COL4A5: variants seen among roughly 807,000 people sequenced by gnomAD.
COL4A5 encodes the protein collagen type IV alpha 5 chain, also known as collagen alpha-5(IV) chain.
Under a neutral mutation model 130.2 loss-of-function variants are expected in COL4A5, and 26 were observed. The observed-to-expected ratio is 0.20, with a 90% CI of 0.15 to 0.28. The LOEUF is 0.28. Among genes scored for constraint, COL4A5 ranks in the 10% least tolerant of loss-of-function variants. COL4A5 has a pLI of 1.00. For synonymous variants in COL4A5, 496 were observed against 439.6 expected (o/e 1.13, Z -1.60); for missense variants, 1,131 against 1,344.3 (o/e 0.84, Z 2.48).
At chrX:108,521,174 T>G (rs1954992702) in intron 1 of COL4A5, among the ~76,000 whole-genome samples, 1 of 111,639 alleles carries the variant, frequency 9.0e-6, no homozygotes, top group Non-Finnish European at 1.9e-5. Flanking sequence ...AATATTCAAG[T>G]CATAAACAAA....
intron 36 of COL4A5, among the ~76,000 whole-genome samples, chrX:108,647,443 C>T (rs1331690111): frequency 9.0e-6 from 1 of 111,717 alleles, no homozygotes; most frequent in Non-Finnish European, 1.9e-5. Flanking sequence ...TATCCTGAGA[C>T]TTTGCTGAAG....
intron 50 of COL4A5, 113 bp from the exon 51 acceptor site, chrX:108,694,694 T>C: frequency 1.7e-6 from 1 of 588,175 alleles, no homozygotes; most frequent in Non-Finnish European, 3.0e-6. Context: ...TTTGTGATCA[T>C]TGAAAGAGAC....
Position 108,607,907 on chromosome X carries a change from T to G in COL4A5, c.2395+1015T>G, listed in dbSNP as rs148128049. 4.3e-3 allele frequency among the ~76,000 whole-genome samples: 483 copies of G among 111,698 alleles called. 6 individuals are homozygous for G. Among genetic ancestry groups the G allele is most frequent in the African/African-American group, 0.015 (449 of 30,723 alleles). ...ATCACTCCATATCAGTAGATGGAGA[T>G]CTTAACTTTTTGAAAATAGGTGCCT... On this transcript the variant is annotated intron_variant, in intron 29 of 52. Transcript: ENST00000328300.
At chrX:108,459,661 C>T (rs1356237340) in intron 1 of COL4A5, among the ~76,000 whole-genome samples, 1 of 112,153 alleles carries the variant, frequency 8.9e-6, no homozygotes, top group Non-Finnish European at 1.9e-5. Flanking sequence ...TAAGAGCTAC[C>T]TCAAGAGCAG....
rs1569481183 is a variant in COL4A5 at position 108,526,652 on chromosome X, CTTTCTTTCTTCTTTCTTTCTCTTTCTT to C, written c.82-13092_82-13066del. 1.6e-3 allele frequency among the ~76,000 whole-genome samples: 87 copies of C among 53,504 alleles called. 1 individual carries two copies. Among genetic ancestry groups the C allele is most frequent in the African/African-American group, 7.4e-3 (69 of 9,321 alleles). 46.5% of individuals were successfully genotyped at this position (53,504 alleles called of 115,157 possible). A position where few individuals can be genotyped will look rare whatever the true frequency, so the allele number is the denominator to read the frequency against. ...TCTTTCTTTCTTTCTTTCTTTCTTT[CTTTCTTTCTTCTTTCTTTCTCTTTCTT>C]TCTTTCTTTCTTTCTTTCTTTCTTT... On this transcript the variant is annotated intron_variant, in intron 1 of 52. Transcript: ENST00000328300.
rs58190747 is a variant in COL4A5 at position 108,584,550 on chromosome X, G to C, written c.1032+25G>C. The C allele has an allele frequency of 1.9e-5, 22 of 1,167,853 alleles. No homozygotes were observed. In the African/African-American group the frequency reaches 4.0e-4, roughly 21 times the overall value. ...TGTAAGTTTTTTTTTTTTAGTCTTC[G>C]TTTATCAAATTTATTAATGCATTAT... On this transcript the variant is annotated intron_variant, in intron 18 of 52. Coordinates refer to ENST00000328300, the MANE Select transcript of COL4A5 (RefSeq NM_033380.3).
intron 36 of COL4A5, among the ~76,000 whole-genome samples, chrX:108,643,914 G>T (rs2147910197): frequency 8.9e-6 from 1 of 111,889 alleles, no homozygotes; most frequent in African/African-American, 3.2e-5. Context: ...AGTGTAAATG[G>T]CCTAAATGCT....
At chrX:108,579,088 T>C (rs1226659427) in intron 13 of COL4A5, among the ~76,000 whole-genome samples, 1 of 111,782 alleles carries the variant, frequency 8.9e-6, no homozygotes, top group Non-Finnish European at 1.9e-5. Flanking sequence ...CACAGGGTAG[T>C]GAAACTATCA....
At chrX:108,626,007 A>G (rs899844721) in intron 35 of COL4A5, among the ~76,000 whole-genome samples, 1 of 111,970 alleles carries the variant, frequency 8.9e-6, no homozygotes, top group Non-Finnish European at 1.9e-5. Flanking sequence ...ATTCACAAAC[A>G]TCTTTTCTCC....
chrX:108,629,451 G>A (rs749918744), intron 36 of COL4A5, among the ~76,000 whole-genome samples: 3 of 110,833 alleles, frequency 2.7e-5, no homozygotes, highest in East Asian at 2.9e-4. Flanking sequence ...TAGTGGCAGG[G>A]GAAGTGATAA....
Position 108,606,758 on chromosome X carries a change from C to T in COL4A5, c.2261C>T (p.Ala754Val). 1 of 1,211,402 alleles carries T rather than the reference C, an allele frequency of 8.3e-7. No homozygotes were observed. Among genetic ancestry groups the T allele is most frequent in the Non-Finnish European group, 1.1e-6 (1 of 895,258 alleles). ...FPGPKGEPGF[A>V]LPGPPGPPGL... ...ATGCTCAAGGGTGAACCAGGATTTG[C>T]ATTACCTGGGCCACCTGGGCCACCA... The change falls in exon 29 of 53, where the codon GCA becomes GTA. Residue 754 changes from alanine to valine, a missense_variant. Ala to Val is a moderately conservative substitution (Grantham distance 64). Coordinates refer to ENST00000328300, the MANE Select transcript of COL4A5 (RefSeq NM_033380.3).
At chrX:108,453,786 T>A (rs2064554318) in intron 1 of COL4A5, among the ~76,000 whole-genome samples, 1 of 111,929 alleles carries the variant, frequency 8.9e-6, no homozygotes, top group Admixed American at 9.5e-5. Flanking sequence ...CTCTCTCCAG[T>A]ATACTACATT....
At chrX:108,592,846 T>C (rs1033469099) in intron 21 of COL4A5, among the ~76,000 whole-genome samples, 1 of 110,172 alleles carries the variant, frequency 9.1e-6, no homozygotes, top group Non-Finnish European at 1.9e-5. Flanking sequence ...TGGAAGACTC[T>C]TGTGCTCCCT....
At chrX:108,567,476 A>G (rs1188217956) in intron 4 of COL4A5, among the ~76,000 whole-genome samples, 1 of 112,085 alleles carries the variant, frequency 8.9e-6, no homozygotes, top group Non-Finnish European at 1.9e-5. Flanking sequence ...ATTAGTTTTT[A>G]CATAGTAATC....
chrX:108,501,499 C>T (rs1007325023), intron 1 of COL4A5, among the ~76,000 whole-genome samples: 3 of 111,630 alleles, frequency 2.7e-5, no homozygotes, highest in Non-Finnish European at 5.6e-5. Context: ...GGGCAAGTTA[C>T]TTAGTTTGTG....
intron 37 of COL4A5, among the ~76,000 whole-genome samples, chrX:108,664,944 A>G (rs142262763): frequency 0.018 from 2,059 of 112,062 alleles, 21 homozygotes; most frequent in South Asian, 0.036. Flanking sequence ...GAACAATTGG[A>G]ATTTCCACAC....
At chrX:108,677,885 G>C (rs189109009) in intron 44 of COL4A5, among the ~76,000 whole-genome samples, 1 of 112,000 alleles carries the variant, frequency 8.9e-6, no homozygotes, top group Non-Finnish European at 1.9e-5. Context: ...GATTTGAGTA[G>C]CCTTCATTTC....
chrX:108,531,520 A>G lies in COL4A5; in HGVS notation c.82-8226A>G, dbSNP rs191798140. Among the ~76,000 whole-genome samples, 108 of 110,342 alleles carry G rather than the reference A, an allele frequency of 9.8e-4. 4 individuals are homozygous for G. In the East Asian group the frequency reaches 0.03, roughly 30 times the overall value. ...AAAAACGTAGAAAAATAAAAATTTA[A>G]CAATCTAGCAATGCACCTCAAGGAA... is the stretch of plus-strand genomic sequence containing the variant. On this transcript the variant is annotated intron_variant, in intron 1 of 52. Coordinates refer to ENST00000328300, the MANE Select transcript of COL4A5 (RefSeq NM_033380.3).
chrX:108,548,955 T>A (rs2065709674), intron 2 of COL4A5, among the ~76,000 whole-genome samples: 1 of 111,525 alleles, frequency 9.0e-6, no homozygotes, highest in Non-Finnish European at 1.9e-5. Context: ...TGAAGAGGCT[T>A]GCATTAAAAT....
Sources: gnomAD v4.1 joint callset for allele counts (sites outside exome capture counted in the v4.1 genomes callset) on GRCh38, gnomAD v4.1.1 for gene constraint, MANE v1.5 for transcripts, NCBI Gene and HGNC (gene_info 2026-07-23, HGNC 2026-07-21) for gene names.